The following ADGRV1 variants were observed in gnomAD, a reference collection of about 807,000 sequenced individuals.
ADGRV1 encodes the protein adhesion G protein-coupled receptor V1, also known as G-protein coupled receptor 98.
ADGRV1 carries 359 observed loss-of-function variants against 596.2 expected under a neutral mutation model. The ratio of observed to expected loss-of-function variants is 0.60; its 90% CI spans 0.55 to 0.66. The LOEUF is 0.66. Ranked by LOEUF, ADGRV1 falls within the 30% of genes least tolerant of loss-of-function variation. ADGRV1 has a pLI of 0.00. For missense variants in ADGRV1, 7,274 were observed against 7,575.6 expected (o/e 0.96, Z 1.48); for synonymous variants, 2,681 against 2,679.2 (o/e 1.00, Z -0.02).
intron 17 of ADGRV1, among the ~76,000 whole-genome samples, 171 bp from the exon 18 acceptor site, chr5:90,651,433 A>G (rs1768610325): frequency 6.6e-6 from 1 of 152,170 alleles, no homozygotes; most frequent in African/African-American, 2.4e-5. Flanking sequence ...GTGTATACAT[A>G]AACATCTTTG....
chr5:90,644,166 C>G (rs1283893204), intron 14 of ADGRV1, among the ~76,000 whole-genome samples, 183 bp downstream of exon 14: 1 of 151,974 alleles, frequency 6.6e-6, no homozygotes. Flanking sequence ...TACATAGTAT[C>G]GTGATGATAC....
intron 85 of ADGRV1, chr5:91,030,944 C>G: frequency 1.1e-6 from 1 of 940,644 alleles, no homozygotes; most frequent in East Asian, 2.6e-5. Context: ...CCATATAGTA[C>G]TGGCAGTTTT....
chr5:91,039,024 C>T (rs1480572395), intron 85 of ADGRV1, among the ~76,000 whole-genome samples: 1 of 152,062 alleles, frequency 6.6e-6, no homozygotes, highest in Non-Finnish European at 1.5e-5. Flanking sequence ...GCTCTTACTA[C>T]CCACAGATAT....
chr5:91,072,340 G>C, intron 85 of ADGRV1, 107 bp from the exon 86 acceptor site: 1 of 991,800 alleles, frequency 1.0e-6, no homozygotes, highest in Non-Finnish European at 1.6e-6. Context: ...GATGTTGCCA[G>C]CATCTGGATA....
intron 83 of ADGRV1, among the ~76,000 whole-genome samples, chr5:90,916,849 G>T (rs1773426297): frequency 6.6e-6 from 1 of 151,528 alleles, no homozygotes; most frequent in Non-Finnish European, 1.5e-5. Context: ...AGCCAGGATG[G>T]TCTCGATCTC....
intron 83 of ADGRV1, among the ~76,000 whole-genome samples, chr5:90,885,201 C>T (rs902097501): frequency 2.6e-5 from 4 of 152,150 alleles, no homozygotes; most frequent in African/African-American, 4.8e-5. Flanking sequence ...ACAAGACAGA[C>T]TCATAGATGT....
intron 85 of ADGRV1, among the ~76,000 whole-genome samples, chr5:91,064,170 G>A (rs1787687407): frequency 6.6e-6 from 1 of 152,116 alleles, no homozygotes; most frequent in Non-Finnish European, 1.5e-5. Context: ...ATTTCTTAAG[G>A]ATCTGATTGT....
Position 90,729,659 on chromosome 5 carries a change from G to C in ADGRV1, c.10444G>C (p.Asp3482His), listed in dbSNP as rs371432045. The change falls in exon 50 of 90, where the codon GAT becomes CAT. Residue 3482 changes from aspartate to histidine, a missense_variant. Asp to His is a moderately conservative substitution (Grantham distance 81, BLOSUM62 -1). Transcript: ENST00000405460. ...NVFLGDQNSI[D>H]IFIWEMGQSS... ...TATTGCAGGAGATCAGAATTCAATT[G>C]ATATTTTCATCTGGGAGATGGGACA... 4.4e-6 allele frequency: 7 copies of C among 1,605,532 alleles called. No individual in the cohort carries two copies. Among genetic ancestry groups the C allele is most frequent in the Non-Finnish European group, 6.0e-6 (7 of 1,173,450 alleles).
chr5:91,047,921 C>T lies in ADGRV1; in HGVS notation c.18153-24526C>T, dbSNP rs182820711. Reference sequence around the variant, plus strand: ...CTGTAAATCACAAAGATAGTCTTGACGCAATTATTTAAAAATCTAGTCCCA... The same window carrying T: ...CTGTAAATCACAAAGATAGTCTTGATGCAATTATTTAAAAATCTAGTCCCA... On this transcript the variant is annotated intron_variant, in intron 85 of 89. Transcript: ENST00000405460. Among the ~76,000 whole-genome samples the T allele has an allele frequency of 2.6e-4, 39 of 152,236 alleles. No individual in the cohort carries two copies. In the East Asian group the frequency reaches 6.6e-3, roughly 26 times the overall value.
chr5:90,889,632 T>C (rs1303108163), intron 83 of ADGRV1, among the ~76,000 whole-genome samples: 1 of 152,162 alleles, frequency 6.6e-6, no homozygotes, highest in African/African-American at 2.4e-5. Context: ...TTTGGTCAGA[T>C]AAAAATAGCC....
At chr5:90,672,473 T>C (rs1325885665) in intron 21 of ADGRV1, 73 bp from the exon 22 acceptor site, 2 of 1,227,498 alleles carry the variant, frequency 1.6e-6, no homozygotes, top group African/African-American at 1.5e-5. Context: ...TAAAAGGATT[T>C]CATGGAAGCA....
At chr5:90,611,115 C>T (rs561846538) in intron 1 of ADGRV1, among the ~76,000 whole-genome samples, 2 of 151,848 alleles carry the variant, frequency 1.3e-5, no homozygotes, top group Admixed American at 1.3e-4. Context: ...TTGATGAGCA[C>T]AGGGCGTTGC....
chr5:90,854,037 A>G (rs957523409), intron 80 of ADGRV1, 25 bp from the exon 81 acceptor site: 3 of 1,518,982 alleles, frequency 2.0e-6, no homozygotes, highest in Non-Finnish European at 2.7e-6. Context: ...AAACATCATT[A>G]TATGTTCTGT....
intron 22 of ADGRV1, among the ~76,000 whole-genome samples, chr5:90,673,382 T>G (rs1772759061): frequency 6.6e-6 from 1 of 152,182 alleles, no homozygotes; most frequent in East Asian, 1.9e-4. Context: ...ATATATGATA[T>G]TATATTGATA....
intron 68 of ADGRV1, 109 bp downstream of exon 68, chr5:90,788,419 A>C: frequency 3.7e-6 from 4 of 1,066,864 alleles, no homozygotes; most frequent in Non-Finnish European, 5.2e-6. Flanking sequence ...GGAAATTATA[A>C]AACCAAATAA....
intron 87 of ADGRV1, among the ~76,000 whole-genome samples, chr5:91,125,934 A>G (rs1246097937): frequency 6.6e-6 from 1 of 152,140 alleles, no homozygotes; most frequent in South Asian, 2.1e-4. Flanking sequence ...TCCTTTTTAA[A>G]TGTTTCAAAC....
intron 84 of ADGRV1, among the ~76,000 whole-genome samples, chr5:90,981,819 A>G (rs1780099802): frequency 6.6e-6 from 1 of 152,266 alleles, no homozygotes; most frequent in Admixed American, 6.5e-5. Flanking sequence ...ACAGAAGTGC[A>G]CAGGGAGCCT....
chr5:90,672,838 C>T (rs1772679148), intron 22 of ADGRV1, 116 bp downstream of exon 22: 2 of 722,092 alleles, frequency 2.8e-6, no homozygotes, highest in African/African-American at 3.5e-5. Flanking sequence ...TTATTATTTA[C>T]AACTGTAACT....
In ADGRV1 at chr5:90,627,534, T is replaced by A. The variant is rs775486437; in HGVS notation, c.996T>A (p.Val332=). The stretch of plus-strand genomic sequence containing the variant: ...ATCTTCAGCCAAACACAACTGTTGT[T>A]TTTCCACCTTTTATTCATGAATCTC... ...FIDLQPNTTV[V]FPPFIHESHL... Residue 332 remains valine, a synonymous_variant, in exon 7 of 90, where the codon GTT becomes GTA. Coordinates refer to ENST00000405460, the MANE Select transcript of ADGRV1 (RefSeq NM_032119.4). 6.2e-7 allele frequency: 1 copy of A among 1,613,874 alleles called. No homozygotes were observed. The highest frequency in any genetic ancestry group is 1.7e-5 in the Admixed American group (1 of 60,020).
Sources: gnomAD v4.1 joint callset for allele counts (sites outside exome capture counted in the v4.1 genomes callset) on GRCh38, gnomAD v4.1.1 for gene constraint, MANE v1.5 for transcripts, NCBI Gene and HGNC (gene_info 2026-07-23, HGNC 2026-07-21) for gene names.